The following IRX4 variants were observed in gnomAD, a reference collection of about 807,000 sequenced individuals.
The protein encoded by IRX4 is iroquois homeobox 4.
IRX4 carries 22 observed loss-of-function variants against 32.0 expected under a neutral mutation model. The ratio of observed to expected loss-of-function variants is 0.69; its 90% CI spans 0.49 to 0.98. IRX4 has a LOEUF of 0.98. Among genes scored for constraint, IRX4 ranks in the 50% least tolerant of loss-of-function variants. IRX4 has a pLI of 0.00. For synonymous variants in IRX4, 379 were observed against 351.7 expected (o/e 1.08, Z -0.87); for missense variants, 840 against 744.2 (o/e 1.13, Z -1.50).
chr5:1,879,586 C>G lies in IRX4; in HGVS notation c.654G>C (p.Lys218Asn). Reference protein sequence around the residue: ...WPPRNKCADEKRPYAEGEEEE... With the variant: ...WPPRNKCADENRPYAEGEEEE... Reference sequence around the variant, plus strand: ...CCTCCTCGCCCTCCGCGTAGGGCCGCTTCTCGTCTGCGCACTTGTTCCGCG... The same window carrying G: ...CCTCCTCGCCCTCCGCGTAGGGCCGGTTCTCGTCTGCGCACTTGTTCCGCG... The change falls in exon 4 of 5, where the codon AAG becomes AAC. Residue 218 changes from lysine (K) to asparagine (N), a missense_variant. Transcript: ENST00000231357. The G allele has an allele frequency of 6.2e-7, 1 of 1,613,936 alleles. No individual in the cohort carries two copies. The highest frequency in any genetic ancestry group is 8.5e-7 in the Non-Finnish European group (1 of 1,180,042).
chr5:1,878,739 C>G lies in IRX4; in HGVS notation c.790G>C (p.Asp264His), dbSNP rs1422063349. The change falls in exon 5 of 5, where the codon GAC becomes CAC. Residue 264 changes from aspartate to histidine, a missense_variant. By Grantham distance (81) the Asp-to-His change is moderately conservative. Around this residue, in one of 3 missense-constraint regions of IRX4, gnomAD observed 585 missense variants for 488.0 expected, o/e 1.20. Transcript: ENST00000231357. ...GCCGGCGGCTCTGCTTCCAGCGGGT[C>G]GAAGTCGTCCAAGTCACTAAGCTCC... The part of the protein sequence containing the change: ...ELELSDLDDF[D>H]PLEAEPPACE... The G allele has an allele frequency of 5.0e-6, 8 of 1,612,958 alleles. No homozygotes were observed. Among genetic ancestry groups the G allele is most frequent in the African/African-American group, 4.0e-5 (3 of 74,934 alleles).
intron 4 of IRX4, 99 bp downstream of exon 4, chr5:1,879,405 G>T: frequency 6.4e-7 from 1 of 1,562,470 alleles, no homozygotes; most frequent in Non-Finnish European, 8.7e-7. Context: ...TAGGCATGGG[G>T]CTCGGCGTTT....
intron 3 of IRX4, chr5:1,880,121 G>A: frequency 1.3e-6 from 2 of 1,535,664 alleles, no homozygotes; most frequent in Non-Finnish European, 1.7e-6. Flanking sequence ...CCTTTATGGG[G>A]ATGACCGCCT....
In IRX4 at chr5:1,878,514, C is replaced by T. The variant is rs781205219; in HGVS notation, c.1015G>A (p.Gly339Ser). 5.6e-5 allele frequency: 81 copies of T among 1,434,468 alleles called. No homozygotes were observed. Among genetic ancestry groups the T allele is most frequent in the South Asian group, 9.0e-5 (6 of 66,812 alleles). 88.9% of individuals were successfully genotyped at this position (1,434,468 alleles called of 1,614,324 possible). The change falls in exon 5 of 5, where the codon GGC (glycine) becomes AGC (serine). Residue 339 changes from glycine (G) to serine (S), a missense_variant. This residue lies in a region of IRX4 where 585 missense variants were observed against 488.0 expected (regional missense o/e 1.20). Coordinates refer to ENST00000231357, the MANE Select transcript of IRX4 (RefSeq NM_016358.3). ...CAGACCTGAGGGCCGCCCTCTGCGC[C>T]CGGCAGTGGCTCCGGCCCGGCCGCC... ...SAAAGPEPLP[G>S]AEGGPQVCEA... is the part of the protein sequence containing the mutation.
chr5:1,884,510 AC>A (rs1411897922), upstream of IRX4: 1 of 152,248 alleles, frequency 6.6e-6, no homozygotes, highest in African/African-American at 2.4e-5. Flanking sequence ...ATCGCGTTGG[AC>A]CGGAGCGGGC....
In IRX4 at chr5:1,880,757, G is replaced by C; in HGVS notation, c.375C>G (p.Tyr125Ter). The C allele has an allele frequency of 6.2e-7, 1 of 1,613,784 alleles. No homozygotes were observed. Among genetic ancestry groups the C allele is most frequent in the Non-Finnish European group, 8.5e-7 (1 of 1,179,902 alleles). ...LAPAAAAYYP[Y>*]EPALGQYPYD... The stretch of plus-strand genomic sequence containing the variant: ...AGGGGTACTGGCCCAGAGCTGGCTC[G>C]TAAGGGTAGTAGGCGGCAGCGGCTG... Residue 125 changes from tyrosine to a stop codon, truncating the protein, a stop_gained, in exon 3 of 5, where the codon TAC becomes TAG. Transcript: ENST00000231357. LOFTEE classifies it high-confidence loss of function.
At chr5:1,885,428 G>T (rs140405061), upstream of IRX4, among the ~76,000 whole-genome samples, 11 of 152,168 alleles carry the variant, frequency 7.2e-5, no homozygotes, top group East Asian at 1.9e-3. Context: ...ACCAGCGGGC[G>T]ACCCTTTCTC....
At chr5:1,882,534 C>G (rs1405619664) in intron 1 of IRX4, 69 bp downstream of exon 1, 1 of 1,336,644 alleles carries the variant, frequency 7.5e-7, no homozygotes, top group Non-Finnish European at 1.0e-6. Context: ...ACACTCCCCA[C>G]CCCCCGTCCC....
chr5:1,880,689 T>C, intron 3 of IRX4, 36 bp downstream of exon 3: 1 of 1,410,784 alleles, frequency 7.1e-7, no homozygotes, highest in Non-Finnish European at 1.0e-6. Context: ...AGAGGGCCCG[T>C]GGGGCTAGTG....
chr5:1,880,004 G>T, intron 3 of IRX4, 172 bp from the exon 4 acceptor site: 2 of 1,494,364 alleles, frequency 1.3e-6, no homozygotes, highest in Non-Finnish European at 1.8e-6. Context: ...ACCAGGTGCC[G>T]CTGCCTGCTG....
chr5:1,885,992 GC>G (rs34451440), upstream of IRX4, among the ~76,000 whole-genome samples: 22,733 of 152,264 alleles, frequency 0.15, 1,833 homozygotes, highest in African/African-American at 0.2. Flanking sequence ...CACCGGCTCA[GC>G]TTCGGGGAGA....
rs1735459915 is a variant in IRX4 at position 1,881,956 on chromosome 5, G to C, written c.149C>G (p.Pro50Arg). 1.3e-6 allele frequency: 2 copies of C among 1,563,516 alleles called. No homozygotes were observed. Among genetic ancestry groups the C allele is most frequent in the Non-Finnish European group, 1.7e-6 (2 of 1,154,778 alleles). The change falls in exon 2 of 5, where the codon CCG becomes CGG. Residue 50 changes from proline to arginine, a missense_variant. Pro to Arg is a moderately radical substitution (Grantham distance 103, BLOSUM62 -2). Coordinates refer to ENST00000231357, the MANE Select transcript of IRX4 (RefSeq NM_016358.3). ...GGCCAGCAGCCGGCTCTCGTAGACC[G>C]GGCAGTAGACCGGCGCCTGGGCCGA... ...AASAQAPVYC[P>R]VYESRLLATA...
rs759509328 is a variant in IRX4, at chr5:1,878,591, C to T, written c.938G>A (p.Gly313Glu). ...ALRMSLAAGG[G>E]AALDEDLERA... The stretch of plus-strand genomic sequence containing the variant: ...CTCCAGGTCCTCGTCCAGAGCAGCT[C>T]CGCCACCCGCGGCCAGAGACATCCG... The change falls in exon 5 of 5, where the codon GGA becomes GAA. Residue 313 changes from glycine (G) to glutamate (E), a missense_variant. Gly to Glu is a moderately conservative substitution (Grantham distance 98, BLOSUM62 -2). Coordinates refer to ENST00000231357, the MANE Select transcript of IRX4 (RefSeq NM_016358.3). The T allele has an allele frequency of 3.9e-6, 6 of 1,553,356 alleles. No homozygotes were observed. Among genetic ancestry groups the T allele is most frequent in the Non-Finnish European group, 4.3e-6 (5 of 1,149,710 alleles).
chr5:1,877,976 C>G lies in IRX4; in HGVS notation c.1553G>C (p.Cys518Ser), dbSNP rs1459572505. The G allele has an allele frequency of 2.3e-5, 34 of 1,500,912 alleles. No homozygotes were observed. The highest frequency in any genetic ancestry group is 3.0e-5 in the Non-Finnish European group (34 of 1,130,260). The allele number at this position is 1,500,912 out of a possible 1,614,324, so 93.0% of individuals were successfully genotyped here. ...ALPKAGGKPFCA is the reference protein window; with the variant it reads ...ALPKAGGKPFSA ...GCTCGGGACCCGCCCGCCTCAGGCG[C>G]AGAAGGGTTTGCCGCCGGCCTTGGG... Residue 518 changes from cysteine to serine, a missense_variant, in exon 5 of 5, where the codon TGC becomes TCC. Transcript: ENST00000231357.
chr5:1,885,558 G>A (rs1265666830), upstream of IRX4, among the ~76,000 whole-genome samples: 2 of 152,000 alleles, frequency 1.3e-5, no homozygotes, highest in South Asian at 4.2e-4. Context: ...CAGTCACCCT[G>A]CCTCGGGAAG....
intron 1 of IRX4, 150 bp from the exon 2 acceptor site, chr5:1,882,209 T>A: frequency 3.1e-6 from 3 of 958,094 alleles, no homozygotes; most frequent in Non-Finnish European, 4.5e-6. Flanking sequence ...CCCTTTCCAC[T>A]AGCTTGTGCG....
chr5:1,879,927 T>G, intron 3 of IRX4, 95 bp from the exon 4 acceptor site: 1 of 1,556,828 alleles, frequency 6.4e-7, no homozygotes, highest in Non-Finnish European at 8.6e-7. Context: ...CATGCCAGGA[T>G]GGGCTTTGCT....
In IRX4 at chr5:1,877,965, C is replaced by G. The variant is rs973585917; in HGVS notation, c.*4G>C. ...TTCCCTCCTGGGCTCGGGACCCGCCCGCCTCAGGCGCAGAAGGGTTTGCCG... is the reference window on the plus strand; with the variant it reads ...TTCCCTCCTGGGCTCGGGACCCGCCGGCCTCAGGCGCAGAAGGGTTTGCCG... On this transcript the variant is annotated 3_prime_UTR_variant, in exon 5 of 5. Coordinates refer to ENST00000231357, the MANE Select transcript of IRX4 (RefSeq NM_016358.3). 48 of 1,493,324 alleles carry G rather than the reference C, an allele frequency of 3.2e-5. No homozygotes were observed. The highest frequency in any genetic ancestry group is 3.5e-5 in the Non-Finnish European group (39 of 1,126,704). 92.5% of individuals were successfully genotyped at this position (1,493,324 alleles called of 1,614,324 possible). A position where few individuals can be genotyped will look rare whatever the true frequency, so the allele number is the denominator to read the frequency against.
chr5:1,880,836 T>C lies in IRX4; in HGVS notation c.298-2A>G. The C allele has an allele frequency of 1.2e-6, 2 of 1,612,562 alleles. No homozygotes were observed. Among genetic ancestry groups the C allele is most frequent in the Non-Finnish European group, 1.7e-6 (2 of 1,179,062 alleles). On this transcript the variant is annotated splice_acceptor_variant, in intron 2 of 4. Coordinates refer to ENST00000231357, the MANE Select transcript of IRX4 (RefSeq NM_016358.3). LOFTEE classifies it high-confidence loss of function. ...ACCATCCTTGGAATCAAAGCTGTTC[T>C]GTGGGAGCCAAGAGTCTGGGGTCGC...
Sources: gnomAD v4.1 joint callset for allele counts (sites outside exome capture counted in the v4.1 genomes callset) on GRCh38, gnomAD v4.1.1 for gene constraint, gnomAD v4.1.1 regional missense constraint, MANE v1.5 for transcripts, NCBI Gene and HGNC (gene_info 2026-07-23, HGNC 2026-07-21) for gene names.